Variants in SRCAP observed in about 807,000 individuals in gnomAD.
SRCAP encodes Snf2 related CREBBP activator protein, also known as chromatin remodeling protein SRCAP.
Under a neutral mutation model 263.1 loss-of-function variants are expected in SRCAP, and 46 were observed. The observed-to-expected ratio is 0.17, with a 90% confidence interval of 0.14 to 0.22. The LOEUF is 0.22. Ranked by LOEUF, SRCAP falls within the 10% of genes least tolerant of loss-of-function variation. The pLI is 1.00. For missense variants in SRCAP, 3,695 were observed against 4,181.9 expected (o/e 0.88, Z 3.21); for synonymous variants, 1,813 against 1,662.1 (o/e 1.09, Z -2.21).
intron 4 of SRCAP, among the ~76,000 whole-genome samples, chr16:30,704,952 G>A (rs2052810464): frequency 6.6e-6 from 1 of 152,186 alleles, no homozygotes; most frequent in Non-Finnish European, 1.5e-5. Flanking sequence ...TTTATCCAGT[G>A]GTAAGTGTGG....
Position 30,724,268 on chromosome 16 carries a change from C to T in SRCAP, c.4844C>T (p.Ser1615Leu), listed in dbSNP as rs770656793. 29 of 1,614,046 alleles carry T rather than the reference C, an allele frequency of 1.8e-5. 2 individuals carry two copies. The South Asian group carries it at 1.9e-4, about 10-fold the overall frequency. Residue 1615 changes from serine to leucine, a missense_variant, in exon 25 of 34, where the codon TCG becomes TTG. This residue lies in a region of SRCAP where 1,347 missense variants were observed against 1,304.4 expected (regional missense o/e 1.03). Transcript: ENST00000262518. Reference protein sequence around the residue: ...PLAPLPVLAPSPGAAPVLASS... With the variant: ...PLAPLPVLAPLPGAAPVLASS... ...GCTCCTCTTCCGGTCCTGGCACCAT[C>T]GCCAGGTGCTGCTCCTGTCCTGGCT...
rs1162136939 is a variant in SRCAP at position 30,725,002 on chromosome 16, C to T, written c.5578C>T (p.Pro1860Ser). 9.3e-6 allele frequency: 15 copies of T among 1,614,086 alleles called. No individual in the cohort carries two copies. Among genetic ancestry groups the T allele is most frequent in the Non-Finnish European group, 1.2e-5 (14 of 1,180,028 alleles). ...GACATTGCGCTCTGGTCCCCCCAGCCCTCCCTCCACTGCTACCTCGTTTGG... is the reference window on the plus strand; with the variant it reads ...GACATTGCGCTCTGGTCCCCCCAGCTCTCCCTCCACTGCTACCTCGTTTGG... ...TLTLRSGPPS[P>S]PSTATSFGGP... The change falls in exon 25 of 34, where the codon CCT becomes TCT. Residue 1860 changes from proline to serine, a missense_variant. Coordinates refer to ENST00000262518, the MANE Select transcript of SRCAP (RefSeq NM_006662.3).
intron 27 of SRCAP, among the ~76,000 whole-genome samples, chr16:30,730,312 G>T (rs939197388): frequency 2.1e-5 from 1 of 47,914 alleles, no homozygotes; most frequent in Non-Finnish European, 4.7e-5. Flanking sequence ...GAATTATTTG[G>T]CGGTAACAGA....
chr16:30,699,217 C>T lies in SRCAP; in HGVS notation c.-309C>T. 1 of 398,718 alleles carries T rather than the reference C, an allele frequency of 2.5e-6. No homozygotes were observed. Among genetic ancestry groups the T allele is most frequent in the Non-Finnish European group, 4.4e-6 (1 of 226,142 alleles). 24.7% of individuals were successfully genotyped at this position (398,718 alleles called of 1,614,324 possible). A position where few individuals can be genotyped will look rare whatever the true frequency, so the allele number is the denominator to read the frequency against. ...GGGAGATGGTCACGAAACCTGAAGT[C>T]AAGAGTTAAGGCTTGTTGGCTTCTG... On this transcript the variant is annotated 5_prime_UTR_variant, in exon 1 of 34. Coordinates refer to ENST00000262518, the MANE Select transcript of SRCAP (RefSeq NM_006662.3).
At chr16:30,700,982 A>G (rs1369058099) in intron 3 of SRCAP, 104 bp downstream of exon 3, 1 of 1,216,704 alleles carries the variant, frequency 8.2e-7, no homozygotes, top group African/African-American at 1.5e-5. Context: ...GTTTTGGAGA[A>G]TCTTTGGTGC....
At chr16:30,715,024 C>A (rs185631539) in intron 16 of SRCAP, among the ~76,000 whole-genome samples, 1 of 152,228 alleles carries the variant, frequency 6.6e-6, no homozygotes, top group African/African-American at 2.4e-5. Flanking sequence ...TCTCAGTCTG[C>A]ATATCTCACA....
intron 21 of SRCAP, 22 bp downstream of exon 21, chr16:30,721,498 G>T (rs752845683): frequency 6.2e-7 from 1 of 1,601,740 alleles, no homozygotes; most frequent in Admixed American, 1.7e-5. Flanking sequence ...GGGCTCTGTG[G>T]TGAGGGACTT....
intron 3 of SRCAP, among the ~76,000 whole-genome samples, chr16:30,703,507 A>T (rs67456513): frequency 0.44 from 66,208 of 151,232 alleles, 19,964 homozygotes; most frequent in African/African-American, 0.85. Flanking sequence ...ATATATATAT[A>T]TTTTTAAGTT....
chr16:30,707,542 T>TAA, intron 5 of SRCAP, 30 bp from the exon 6 acceptor site: 1 of 1,610,264 alleles, frequency 6.2e-7, no homozygotes, highest in South Asian at 1.1e-5. Flanking sequence ...TGGCTTTGAG[T>TAA]GTTTTCACCC....
chr16:30,735,136 ATTTTTTTTTTTTTTT>A (rs10532453), intron 31 of SRCAP, among the ~76,000 whole-genome samples: 3 of 106,506 alleles, frequency 2.8e-5, no homozygotes, highest in Non-Finnish European at 3.6e-5. Flanking sequence ...AGTACAAAGC[ATTTTTTTTTTTTTTT>A]TTTTTTTTTT....
Position 30,699,226 on chromosome 16 carries a change from AGGCTTGTT to A in SRCAP, c.-294_-287del. ...TCACGAAACCTGAAGTCAAGAGTTA[AGGCTTGTT>A]GGCTTCTGGTGAGCTCGGGTCTTGG... On this transcript the variant is annotated 5_prime_UTR_variant, in exon 1 of 34. Transcript: ENST00000262518. 2.5e-6 allele frequency: 1 copy of A among 398,730 alleles called. No individual in the cohort carries two copies. Among genetic ancestry groups the A allele is most frequent in the Non-Finnish European group, 4.4e-6 (1 of 226,168 alleles). 24.7% of individuals were successfully genotyped at this position (398,730 alleles called of 1,614,324 possible). A position where few individuals can be genotyped will look rare whatever the true frequency, so the allele number is the denominator to read the frequency against.
At chr16:30,722,860 C>T (rs2053025283) in intron 23 of SRCAP, 103 bp from the exon 24 acceptor site, 3 of 1,547,036 alleles carry the variant, frequency 1.9e-6, no homozygotes, top group Non-Finnish European at 2.6e-6. Flanking sequence ...TTGCGAATAT[C>T]TATGATACCT....
rs192794742 is a variant in SRCAP, at chr16:30,707,379, C to T, written c.492+11C>T. On this transcript the variant is annotated intron_variant, in intron 5 of 33. Transcript: ENST00000262518. ...GGTGTGGCCCGGAAGGTAGGTCTTC[C>T]GCTGGGACTTCCTTCCTTTTCCTTT... 385 of 1,612,484 alleles carry T rather than the reference C, an allele frequency of 2.4e-4. 2 individuals carry two copies. The highest frequency in any genetic ancestry group is 3.8e-4 in the Admixed American group (23 of 59,956).
chr16:30,722,751 G>A lies in SRCAP; in HGVS notation c.3892+3G>A. On this transcript the variant is annotated splice_donor_region_variant and intron_variant, in intron 23 of 33. Transcript: ENST00000262518. ...CCTTCCGCTTGCTGCTAACCAGGGT[G>A]AGGCTCCTGGCCTTCCTACTTAGCC... The A allele has an allele frequency of 2.5e-6, 4 of 1,607,320 alleles. No homozygotes were observed. Among genetic ancestry groups the A allele is most frequent in the Non-Finnish European group, 3.4e-6 (4 of 1,175,242 alleles).
chr16:30,729,602 G>A, intron 27 of SRCAP, 30 bp downstream of exon 27: 1 of 1,610,704 alleles, frequency 6.2e-7, no homozygotes, highest in African/African-American at 1.3e-5. Context: ...TAGGACCCTT[G>A]ACTTCTCTTC....
At chr16:30,705,041 C>G (rs911858194) in intron 4 of SRCAP, among the ~76,000 whole-genome samples, 1 of 152,324 alleles carries the variant, frequency 6.6e-6, no homozygotes, top group Admixed American at 6.5e-5. Flanking sequence ...TGGCTCATGC[C>G]TGTAATCCCA....
chr16:30,712,020 G>A lies in SRCAP; in HGVS notation c.1678G>A (p.Glu560Lys). The part of the protein sequence containing the change: ...GVEYLLARDE[E>K]QSEADAGSGP... ...GGAGTACTTGCTTGCCAGGGATGAA[G>A]AGCAGAGTGAGGCAGATGCAGGCAG... The change falls in exon 12 of 34, where the codon GAG becomes AAG. Residue 560 changes from glutamate (E) to lysine (K), a missense_variant. This residue lies in a region of SRCAP where 288 missense variants were observed against 302.4 expected (regional missense o/e 0.95). Coordinates refer to ENST00000262518, the MANE Select transcript of SRCAP (RefSeq NM_006662.3). 2 of 1,614,092 alleles carry A rather than the reference G, an allele frequency of 1.2e-6. No individual in the cohort carries two copies. The highest frequency in any genetic ancestry group is 1.7e-6 in the Non-Finnish European group (2 of 1,180,024).
At chr16:30,704,016 A>T in intron 3 of SRCAP, 48 bp from the exon 4 acceptor site, 2 of 1,568,448 alleles carry the variant, frequency 1.3e-6, no homozygotes, top group South Asian at 2.4e-5. Flanking sequence ...TAAAACACTC[A>T]GCACAGTGCG....
At chr16:30,715,918 C>A in intron 16 of SRCAP, 148 bp from the exon 17 acceptor site, 1 of 974,568 alleles carries the variant, frequency 1.0e-6, no homozygotes. Context: ...GACAGCAGAT[C>A]CCTTGAGGGC....
Sources: allele counts gnomAD v4.1 joint callset (sites outside exome capture counted in the v4.1 genomes callset), GRCh38; gene constraint gnomAD v4.1.1; regional missense constraint gnomAD v4.1.1; transcripts MANE v1.5; gene names NCBI Gene and HGNC (gene_info 2026-07-23, HGNC 2026-07-21).